Variants in EXOC2 observed in about 807,000 individuals in gnomAD.
EXOC2 encodes the protein exocyst complex component 2.
A neutral mutation model predicts 131.8 loss-of-function variants in EXOC2; 70 were observed. That is an observed-to-expected ratio of 0.53 (90% CI 0.44 to 0.65). The LOEUF is 0.65. EXOC2 is among the 30% of genes least tolerant of loss of function. The probability of loss-of-function intolerance (pLI) is 0.00; values close to 1 mark genes in which losing one functional copy is unlikely to be tolerated. For missense variants in EXOC2, 923 were observed against 1,108.6 expected (o/e 0.83, Z 2.38); for synonymous variants, 411 against 398.4 (o/e 1.03, Z -0.38).
intron 22 of EXOC2, among the ~76,000 whole-genome samples, chr6:537,538 T>A (rs1343475588): frequency 6.6e-6 from 1 of 152,196 alleles, no homozygotes; most frequent in African/African-American, 2.4e-5. Context: ...GTGTACACTC[T>A]GGAAAACTAC....
intron 1 of EXOC2, among the ~76,000 whole-genome samples, chr6:648,008 A>G (rs189389333): frequency 3.9e-5 from 6 of 152,336 alleles, no homozygotes; most frequent in Admixed American, 3.9e-4. Flanking sequence ...CATTTGCAAC[A>G]ATCGTATTTC....
At chr6:554,090 G>A (rs1000063788) in intron 20 of EXOC2, among the ~76,000 whole-genome samples, 170 bp from the exon 21 acceptor site, 15 of 151,884 alleles carry the variant, frequency 9.9e-5, no homozygotes, top group African/African-American at 3.4e-4. Context: ...CCCCAGGCTG[G>A]AGTGCAAATG....
intron 11 of EXOC2, among the ~76,000 whole-genome samples, chr6:581,701 T>C (rs1425180609): frequency 1.3e-5 from 2 of 151,958 alleles, no homozygotes; most frequent in African/African-American, 4.8e-5. Flanking sequence ...AAAACATACA[T>C]ATGTTATCAC....
At chr6:517,922 A>C (rs1296753050) in intron 23 of EXOC2, among the ~76,000 whole-genome samples, 4 of 152,234 alleles carry the variant, frequency 2.6e-5, no homozygotes, top group Admixed American at 2.0e-4. Context: ...TATTCATTTA[A>C]AGATGGGTGG....
chr6:599,467 T>A (rs1760006540), intron 7 of EXOC2, among the ~76,000 whole-genome samples: 1 of 152,230 alleles, frequency 6.6e-6, no homozygotes, highest in African/African-American at 2.4e-5. Flanking sequence ...CATGCCCAAA[T>A]AAATTCTCTA....
At chr6:507,927 T>C (rs1266494791) in intron 23 of EXOC2, among the ~76,000 whole-genome samples, 1 of 152,194 alleles carries the variant, frequency 6.6e-6, no homozygotes, top group African/African-American at 2.4e-5. Flanking sequence ...GAAAACTGAG[T>C]AATTAAATGC....
In EXOC2 at chr6:656,745, C is replaced by T. The variant is rs898043016; in HGVS notation, c.-43-18884G>A. On this transcript the variant is annotated intron_variant, in intron 1 of 27. Coordinates refer to ENST00000230449, the MANE Select transcript of EXOC2 (RefSeq NM_018303.6). Reference sequence around the variant, plus strand: ...GAGATCTTCCGAGACACCTTCCATGCGAAACTGCTGGAAGGCCCCCTGCCG... The same window carrying T: ...GAGATCTTCCGAGACACCTTCCATGTGAAACTGCTGGAAGGCCCCCTGCCG... The T allele has an allele frequency of 2.5e-6, 4 of 1,588,962 alleles. No individual in the cohort carries two copies. Among genetic ancestry groups the T allele is most frequent in the Non-Finnish European group, 3.4e-6 (4 of 1,165,224 alleles).
Position 486,702 on chromosome 6 carries a change from T to A in EXOC2, c.2744A>T (p.Gln915Leu). 1 of 1,614,210 alleles carries A rather than the reference T, an allele frequency of 6.2e-7. No individual in the cohort carries two copies. The highest frequency in any genetic ancestry group is 8.5e-7 in the Non-Finnish European group (1 of 1,180,032). ...TTTCATCATGGTTGAAGAAGCTGCT[T>A]GGAAACAGGTGAGCTGCAAGTGCAT... ...SSMHLQLTCF[Q>L]AASSTMMKT The change falls in exon 28 of 28, where the codon CAA becomes CTA. Residue 915 changes from glutamine to leucine, a missense_variant. Coordinates refer to ENST00000230449, the MANE Select transcript of EXOC2 (RefSeq NM_018303.6).
intron 1 of EXOC2, among the ~76,000 whole-genome samples, chr6:673,252 CAAAAAAAAAAAAAAAAAAAAAAAAAAA>C (rs56189394): frequency 7.8e-5 from 5 of 64,266 alleles, no homozygotes; most frequent in South Asian, 7.1e-4. Flanking sequence ...ACTCCATAGC[CAAAAAAAAAAAAAAAAAAAAAAAAAAA>C]AAAAAAAAAA....
chr6:529,379 G>A (rs1184125212), intron 23 of EXOC2, among the ~76,000 whole-genome samples: 1 of 145,988 alleles, frequency 6.8e-6, no homozygotes, highest in African/African-American at 2.4e-5. Context: ...TGTTAACGGA[G>A]GCAGCAGGTC....
At chr6:503,540 T>C (rs1209644956) in intron 23 of EXOC2, among the ~76,000 whole-genome samples, 1 of 152,240 alleles carries the variant, frequency 6.6e-6, no homozygotes, top group Non-Finnish European at 1.5e-5. Context: ...TATCAAAATC[T>C]CTCTTGTAAC....
chr6:590,114 GGA>G (rs1759458181), intron 11 of EXOC2, among the ~76,000 whole-genome samples: 1 of 64,046 alleles, frequency 1.6e-5, no homozygotes, highest in Admixed American at 1.8e-4. Context: ...GACTCTGTCT[GGA>G]AAAAAAAAAA....
chr6:539,115 A>G (rs1766647816), intron 22 of EXOC2, among the ~76,000 whole-genome samples: 1 of 152,118 alleles, frequency 6.6e-6, no homozygotes, highest in Non-Finnish European at 1.5e-5. Flanking sequence ...AAATGCGCTT[A>G]CGATATTTTC....
intron 25 of EXOC2, among the ~76,000 whole-genome samples, chr6:495,226 C>T (rs4642520): frequency 0.8 from 121,088 of 151,182 alleles, 49,528 homozygotes; most frequent in East Asian, 0.9. Context: ...CCAGGGTTCA[C>T]GCCATTCTCC....
rs147990653 is a variant in EXOC2 at position 549,199 on chromosome 6, G to C, written c.2214C>G (p.Phe738Leu). 4.7e-5 allele frequency: 76 copies of C among 1,614,048 alleles called. No individual in the cohort carries two copies. The African/African-American group carries it at 9.5e-4, about 20-fold the overall frequency. The change falls in exon 22 of 28, where the codon TTC (phenylalanine) becomes TTG (leucine). Residue 738 changes from phenylalanine (F) to leucine (L), a missense_variant. By Grantham distance (22) the Phe-to-Leu change is conservative. Coordinates refer to ENST00000230449, the MANE Select transcript of EXOC2 (RefSeq NM_018303.6). ...NIAEHFEKHN[F>L]QGIEKITQVS... ...CCTGTGTGATTTTTTCTATTCCCTGGAAGTTGTGCTTTTCAAAATGTTCTG... is the reference window on the plus strand; with the variant it reads ...CCTGTGTGATTTTTTCTATTCCCTGCAAGTTGTGCTTTTCAAAATGTTCTG...
chr6:588,808 T>A (rs1400451877), intron 11 of EXOC2, among the ~76,000 whole-genome samples: 2 of 152,144 alleles, frequency 1.3e-5, no homozygotes, highest in Non-Finnish European at 2.9e-5. Flanking sequence ...GTCACCTTTT[T>A]TTTTTCCAAA....
At chr6:681,048 T>C (rs2127798597) in intron 1 of EXOC2, among the ~76,000 whole-genome samples, 1 of 152,336 alleles carries the variant, frequency 6.6e-6, no homozygotes, top group Admixed American at 6.5e-5. Flanking sequence ...GTCAGCTAGA[T>C]TTGTTTCACA....
At chr6:649,501 A>G (rs1349353646) in intron 1 of EXOC2, among the ~76,000 whole-genome samples, 1 of 150,808 alleles carries the variant, frequency 6.6e-6, no homozygotes, top group Non-Finnish European at 1.5e-5. Context: ...TACCAAAGAG[A>G]ATTACTGGTT....
At position 505,830 on chromosome 6, in the gene EXOC2, A is replaced by G. The variant is rs1764518056; in HGVS notation, c.2381-6130T>C. On this transcript the variant is annotated intron_variant, in intron 23 of 27. Transcript: ENST00000230449. Reference sequence around the variant, plus strand: ...CACAGATGGCACAAGATGTTCAAAAATATCCGTGAATGACAAACAAAGGAA... The same window carrying G: ...CACAGATGGCACAAGATGTTCAAAAGTATCCGTGAATGACAAACAAAGGAA... 2.0e-5 allele frequency among the ~76,000 whole-genome samples: 3 copies of G among 152,344 alleles called. No individual in the cohort carries two copies. The South Asian group carries it at 6.2e-4, about 32-fold the overall frequency.
Sources: gnomAD v4.1 joint callset for allele counts (sites outside exome capture counted in the v4.1 genomes callset) on GRCh38, gnomAD v4.1.1 for gene constraint, MANE v1.5 for transcripts, NCBI Gene and HGNC (gene_info 2026-07-23, HGNC 2026-07-21) for gene names.